The following IPP variants were observed in gnomAD, a reference collection of about 807,000 sequenced individuals.
The protein encoded by IPP is actin-binding protein IPP.
A neutral mutation model predicts 64.1 loss-of-function variants in IPP; 41 were observed. The ratio of observed to expected loss-of-function variants is 0.64; its 90% CI spans 0.50 to 0.83. The LOEUF (loss-of-function observed/expected upper bound fraction) is 0.83, where lower values mean the gene tolerates loss of function less well. IPP is among the 40% of genes least tolerant of loss of function. The probability of loss-of-function intolerance (pLI) is 0.00; values close to 1 mark genes in which losing one functional copy is unlikely to be tolerated. For synonymous variants in IPP, 214 were observed against 235.2 expected, an observed-to-expected ratio of 0.91 and a Z score of 0.83; for missense variants, 649 against 703.0, an observed-to-expected ratio of 0.92 and a Z score of 0.87.
At chr1:45,698,618 T>C (rs1645408436), downstream of IPP, 1 of 931,038 alleles carries the variant, frequency 1.1e-6, no homozygotes, top group African/African-American at 1.8e-5. Context: ...TACAAATAAA[T>C]TTTACAAAGC....
At chr1:45,701,317 C>A (rs192721750) in intron 8 of IPP, among the ~76,000 whole-genome samples, 1 of 151,354 alleles carries the variant, frequency 6.6e-6, no homozygotes, top group East Asian at 1.9e-4. Context: ...GACGGAGTCT[C>A]GCTCTTGTTG....
In IPP at chr1:45,746,470, C is replaced by T; in HGVS notation, c.-50-9G>A. The stretch of plus-strand genomic sequence containing the variant: ...CATAATCTGTTACTACCCTGAAAAA[C>T]AAAATACAAAGAGATCAAGCAACAA... On this transcript the variant is annotated splice_polypyrimidine_tract_variant and intron_variant, in intron 1 of 8. Coordinates refer to ENST00000396478, the MANE Select transcript of IPP (RefSeq NM_005897.3). 4 of 1,382,756 alleles carry T rather than the reference C, an allele frequency of 2.9e-6. No individual in the cohort carries two copies. The South Asian group carries it at 4.0e-5, about 14-fold the overall frequency. 85.7% of individuals were successfully genotyped at this position (1,382,756 alleles called of 1,614,324 possible). A position where few individuals can be genotyped will look rare whatever the true frequency, so the allele number is the denominator to read the frequency against.
At chr1:45,727,063 T>A (rs1645838710) in intron 5 of IPP, among the ~76,000 whole-genome samples, 1 of 151,860 alleles carries the variant, frequency 6.6e-6, no homozygotes, top group South Asian at 2.1e-4. Flanking sequence ...TTTCTTTTCT[T>A]TTTTGAGAGA....
At chr1:45,730,913 C>G (rs142724202) in intron 3 of IPP, among the ~76,000 whole-genome samples, 1 of 152,278 alleles carries the variant, frequency 6.6e-6, no homozygotes, top group African/African-American at 2.4e-5. Context: ...AAGGGAAAGT[C>G]TTTACAAGAC....
intron 8 of IPP, among the ~76,000 whole-genome samples, chr1:45,704,487 C>T (rs558738091): frequency 3.0e-4 from 45 of 152,212 alleles, no homozygotes; most frequent in African/African-American, 1.0e-3. Context: ...CCACCCGCCT[C>T]GGCCTCCCCA....
At chr1:45,740,732 C>T (rs1646051338) in intron 3 of IPP, among the ~76,000 whole-genome samples, 169 bp downstream of exon 3, 1 of 151,218 alleles carries the variant, frequency 6.6e-6, no homozygotes, top group Admixed American at 6.6e-5. Context: ...CCACAGAACA[C>T]AAAAGTTGTA....
At chr1:45,732,925 A>G (rs1172888084) in intron 3 of IPP, among the ~76,000 whole-genome samples, 1 of 151,990 alleles carries the variant, frequency 6.6e-6, no homozygotes, top group Non-Finnish European at 1.5e-5. Flanking sequence ...TCAGCCTCCC[A>G]AAGTGCTGGG....
chr1:45,736,384 A>G (rs781051298), intron 3 of IPP, among the ~76,000 whole-genome samples: 2 of 152,166 alleles, frequency 1.3e-5, no homozygotes, highest in Non-Finnish European at 2.9e-5. Flanking sequence ...ATAATATTAA[A>G]TTGCCTAAAT....
intron 7 of IPP, among the ~76,000 whole-genome samples, chr1:45,716,469 T>C (rs767757476): frequency 3.9e-5 from 6 of 152,188 alleles, no homozygotes; most frequent in African/African-American, 7.2e-5. Context: ...GGTCTCGAAC[T>C]CCTAACCTCA....
chr1:45,736,360 T>C (rs780792902), intron 3 of IPP, among the ~76,000 whole-genome samples: 167 of 152,264 alleles, frequency 1.1e-3, no homozygotes, highest in Admixed American at 2.0e-3. Context: ...AACAGACATA[T>C]AATCAAATAT....
At chr1:45,708,507 C>A (rs1415876127) in intron 8 of IPP, among the ~76,000 whole-genome samples, 1 of 139,052 alleles carries the variant, frequency 7.2e-6, no homozygotes, top group Non-Finnish European at 1.6e-5. Flanking sequence ...GGTGAAACCC[C>A]GTCTTTAGGA....
chr1:45,734,004 T>A (rs1645944773), intron 3 of IPP, among the ~76,000 whole-genome samples: 1 of 151,714 alleles, frequency 6.6e-6, no homozygotes, highest in African/African-American at 2.4e-5. Context: ...TTAAAAAAAA[T>A]CATCAATGAA....
intron 2 of IPP, among the ~76,000 whole-genome samples, chr1:45,744,235 G>A (rs546685307): frequency 3.3e-5 from 5 of 152,162 alleles, no homozygotes; most frequent in African/African-American, 7.2e-5. Context: ...CACTGAAGCC[G>A]CAGCATCCTG....
intron 6 of IPP, 135 bp from the exon 7 acceptor site, chr1:45,717,152 T>G: frequency 2.9e-6 from 2 of 681,202 alleles, no homozygotes; most frequent in South Asian, 2.0e-5. Context: ...TGTTCCACGA[T>G]CCCATGAAAA....
intron 6 of IPP, among the ~76,000 whole-genome samples, chr1:45,718,398 A>C (rs1430059999): frequency 4.6e-5 from 7 of 152,222 alleles, no homozygotes; most frequent in Non-Finnish European, 8.8e-5. Context: ...CCTGCAGAAG[A>C]ATGTGTGTGA....
intron 3 of IPP, among the ~76,000 whole-genome samples, chr1:45,734,575 G>C (rs1049555194): frequency 2.0e-5 from 3 of 151,604 alleles, no homozygotes; most frequent in Non-Finnish European, 2.9e-5. Context: ...CAAGTAGCTG[G>C]GACTACTAGT....
At chr1:45,720,491 C>CA (rs1374913248) in intron 5 of IPP, among the ~76,000 whole-genome samples, 1 of 151,776 alleles carries the variant, frequency 6.6e-6, no homozygotes, top group Non-Finnish European at 1.5e-5. Context: ...TATTCCCAAT[C>CA]AAAAAAATCC....
rs1007663839 is a variant in IPP at position 45,736,920 on chromosome 1, G to A, written c.724+3981C>T. 3.3e-5 allele frequency among the ~76,000 whole-genome samples: 5 copies of A among 151,654 alleles called. No individual in the cohort carries two copies. In the South Asian group the frequency reaches 8.3e-4, roughly 25 times the overall value. ...TAGCCGGGCGTGGTGGCGGGCGCCCGTAGTCCCAGCTACACGGAAGGCTGA... is the reference window on the plus strand; with the variant it reads ...TAGCCGGGCGTGGTGGCGGGCGCCCATAGTCCCAGCTACACGGAAGGCTGA... On this transcript the variant is annotated intron_variant, in intron 3 of 8. Coordinates refer to ENST00000396478, the MANE Select transcript of IPP (RefSeq NM_005897.3).
intron 3 of IPP, among the ~76,000 whole-genome samples, chr1:45,736,127 A>AAG (rs1557757032): frequency 6.7e-6 from 1 of 148,990 alleles, no homozygotes; most frequent in Non-Finnish European, 1.5e-5. Context: ...AAAAAAAAAA[A>AAG]TTTTTTTTTG....
Sources: gnomAD v4.1 joint callset for allele counts (sites outside exome capture counted in the v4.1 genomes callset) on GRCh38, gnomAD v4.1.1 for gene constraint, MANE v1.5 for transcripts, NCBI Gene and HGNC (gene_info 2026-07-23, HGNC 2026-07-21) for gene names.